The following OPCML variants were observed in gnomAD, a reference collection of about 807,000 sequenced individuals.
The protein encoded by OPCML is opioid-binding protein/cell adhesion molecule.
A neutral mutation model predicts 37.8 loss-of-function variants in OPCML; 13 were observed. That is an observed-to-expected ratio of 0.34 (90% confidence interval 0.22 to 0.55). The LOEUF (loss-of-function observed/expected upper bound fraction) is 0.55. Ranked by LOEUF, OPCML falls within the 20% of genes least tolerant of loss-of-function variation. The pLI is 0.91. For synonymous variants in OPCML, 176 were observed against 168.8 expected (o/e 1.04, Z -0.33); for missense variants, 341 against 435.6 (o/e 0.78, Z 1.93).
chr11:132,917,380 A>T (rs1944642093), intron 2 of OPCML, among the ~76,000 whole-genome samples: 1 of 151,992 alleles, frequency 6.6e-6, no homozygotes, highest in African/African-American at 2.4e-5. Context: ...AAAGCTGGGC[A>T]TCAGGAATAT....
intron 4 of OPCML, among the ~76,000 whole-genome samples, chr11:132,492,352 G>A (rs1037125820): frequency 6.6e-6 from 1 of 152,080 alleles, no homozygotes; most frequent in Non-Finnish European, 1.5e-5. Flanking sequence ...TGTGGTGGGG[G>A]TAGAGGTAGT....
At chr11:132,977,954 A>G (rs368614413) in intron 1 of OPCML, among the ~76,000 whole-genome samples, 3 of 152,330 alleles carry the variant, frequency 2.0e-5, no homozygotes, top group Admixed American at 1.3e-4. Context: ...AAGAGCAGAA[A>G]TGGGCCAGAG....
chr11:132,945,693 CATG>C (rs559514661), intron 1 of OPCML, among the ~76,000 whole-genome samples: 30 of 151,950 alleles, frequency 2.0e-4, no homozygotes, highest in Middle Eastern at 6.8e-3. Flanking sequence ...TTGACTGTTG[CATG>C]ATAACATTAG....
At chr11:132,740,342 C>T (rs574401359) in intron 2 of OPCML, among the ~76,000 whole-genome samples, 1 of 152,282 alleles carries the variant, frequency 6.6e-6, no homozygotes, top group East Asian at 1.9e-4. Context: ...TTTCTCAGAG[C>T]CACATCTTCC....
chr11:132,830,474 C>T (rs1005765837), intron 2 of OPCML, among the ~76,000 whole-genome samples: 1 of 152,232 alleles, frequency 6.6e-6, no homozygotes, highest in South Asian at 2.1e-4. Flanking sequence ...ATGAGCCCCT[C>T]CCTGCACTGG....
chr11:132,687,330 A>G (rs906072854), intron 2 of OPCML, among the ~76,000 whole-genome samples: 19 of 119,008 alleles, frequency 1.6e-4, no homozygotes, highest in African/African-American at 2.4e-4. Flanking sequence ...TCTATTTCTC[A>G]ATCTATGGAG....
intron 1 of OPCML, among the ~76,000 whole-genome samples, chr11:133,159,189 A>C (rs73596446): frequency 0.035 from 5,282 of 152,272 alleles, 192 homozygotes; most frequent in African/African-American, 0.093. Context: ...GCATCTGAAA[A>C]CATGTTAGCC....
chr11:133,112,176 G>C (rs1259008067), intron 1 of OPCML, among the ~76,000 whole-genome samples: 1 of 150,382 alleles, frequency 6.6e-6, no homozygotes, highest in East Asian at 2.0e-4. Flanking sequence ...ATTAATCTTG[G>C]GAGTATGGTT....
intron 2 of OPCML, among the ~76,000 whole-genome samples, chr11:132,683,304 G>A (rs1045168250): frequency 9.2e-5 from 14 of 152,156 alleles, no homozygotes; most frequent in South Asian, 6.2e-4. Context: ...CGAGGCTGAG[G>A]TAGGAGGATT....
chr11:132,800,449 T>C (rs1938577149), intron 2 of OPCML, among the ~76,000 whole-genome samples: 1 of 152,164 alleles, frequency 6.6e-6, no homozygotes, highest in Non-Finnish European at 1.5e-5. Context: ...AGCACCTTGT[T>C]GAATGGAGGT....
At chr11:133,026,356 T>TAC in intron 1 of OPCML, 1 of 975,870 alleles carries the variant, frequency 1.0e-6, no homozygotes, top group Non-Finnish European at 1.2e-6. Flanking sequence ...CCACGCGTAA[T>TAC]ACCCTGAAGG....
intron 2 of OPCML, among the ~76,000 whole-genome samples, chr11:132,703,783 A>G (rs1267260423): frequency 1.3e-5 from 2 of 152,186 alleles, no homozygotes; most frequent in African/African-American, 4.8e-5. Flanking sequence ...CTGGGTCCAC[A>G]GGGGTGGGCC....
chr11:132,427,576 T>C (rs917475855), intron 7 of OPCML, among the ~76,000 whole-genome samples: 1 of 152,214 alleles, frequency 6.6e-6, no homozygotes, highest in Non-Finnish European at 1.5e-5. Context: ...CCATCTTTCT[T>C]CTGTTCTCCT....
At chr11:132,749,878 GTATT>G (rs1224966394) in intron 2 of OPCML, among the ~76,000 whole-genome samples, 2 of 151,988 alleles carry the variant, frequency 1.3e-5, no homozygotes, top group Non-Finnish European at 2.9e-5. Context: ...TTATTTATTT[GTATT>G]TATTTATTTA....
At chr11:132,462,349 C>T (rs890593261) in intron 4 of OPCML, among the ~76,000 whole-genome samples, 2 of 152,172 alleles carry the variant, frequency 1.3e-5, no homozygotes, top group East Asian at 1.9e-4. Context: ...CATTTCCACA[C>T]CACCTTTCCT....
chr11:132,615,890 A>G (rs1938975543), intron 3 of OPCML, among the ~76,000 whole-genome samples: 1 of 152,234 alleles, frequency 6.6e-6, no homozygotes, highest in African/African-American at 2.4e-5. Context: ...AGTAACCAAG[A>G]GGGAAAAAAA....
At chr11:132,712,415 G>A (rs1225395107) in intron 2 of OPCML, among the ~76,000 whole-genome samples, 2 of 151,914 alleles carry the variant, frequency 1.3e-5, no homozygotes, top group East Asian at 1.9e-4. Flanking sequence ...GAGCTGTCAC[G>A]GTGGAATTGT....
chr11:133,201,303 T>G, intron 1 of OPCML, among the ~76,000 whole-genome samples: 1 of 73,002 alleles, frequency 1.4e-5, no homozygotes, highest in South Asian at 2.9e-4. Flanking sequence ...AAACAATGCA[T>G]GCTTTTTTTT....
chr11:133,422,934 G>C (rs1945921896), intron 1 of OPCML: 1 of 985,034 alleles, frequency 1.0e-6, no homozygotes. Context: ...GCAGAACTGG[G>C]GCTAGAACAA....
Sources: gnomAD v4.1 joint callset for allele counts (sites outside exome capture counted in the v4.1 genomes callset) on GRCh38, gnomAD v4.1.1 for gene constraint, MANE v1.5 for transcripts, NCBI Gene and HGNC (gene_info 2026-07-23, HGNC 2026-07-21) for gene names.